UBE2E2: variants seen among roughly 807,000 people sequenced by gnomAD.
UBE2E2 encodes the protein ubiquitin conjugating enzyme E2 E2.
In UBE2E2, 6 loss-of-function variants were observed where a neutral mutation model predicts 24.7. The observed-to-expected ratio is 0.24, with a 90% CI of 0.13 to 0.48. The LOEUF is 0.48. Ranked by LOEUF, UBE2E2 falls within the 20% of genes least tolerant of loss-of-function variation. UBE2E2 has a pLI of 0.99. For synonymous variants in UBE2E2, 104 were observed against 83.6 expected, an observed-to-expected ratio of 1.24 and a Z score of -1.33; for missense variants, 169 against 245.0, an observed-to-expected ratio of 0.69 and a Z score of 2.07.
At chr3:23,367,983 CTG>C (rs1575589635) in intron 3 of UBE2E2, among the ~76,000 whole-genome samples, 1 of 152,096 alleles carries the variant, frequency 6.6e-6, no homozygotes, top group Non-Finnish European at 1.5e-5. Context: ...AGCAGAGGAA[CTG>C]TGGTTTTCCG....
At chr3:23,236,362 C>T (rs1425349822) in intron 3 of UBE2E2, among the ~76,000 whole-genome samples, 3 of 152,064 alleles carry the variant, frequency 2.0e-5, no homozygotes, top group Non-Finnish European at 2.9e-5. Context: ...ACCTACTCAA[C>T]CAGACTCCAT....
chr3:23,507,415 A>G (rs975250211), intron 4 of UBE2E2, among the ~76,000 whole-genome samples: 2 of 152,162 alleles, frequency 1.3e-5, no homozygotes, highest in Non-Finnish European at 2.9e-5. Flanking sequence ...AACTTTGTCT[A>G]TTTTGATGTC....
intron 3 of UBE2E2, among the ~76,000 whole-genome samples, chr3:23,461,893 A>G (rs1326917831): frequency 1.3e-5 from 2 of 152,146 alleles, no homozygotes; most frequent in African/African-American, 2.4e-5. Flanking sequence ...TAATATGACT[A>G]TATGATGTGA....
At position 23,473,351 on chromosome 3, in the gene UBE2E2, G is replaced by A. The variant is rs565596746; in HGVS notation, c.228-26257G>A. Among the ~76,000 whole-genome samples the A allele has an allele frequency of 5.3e-5, 8 of 152,120 alleles. No individual in the cohort carries two copies. The South Asian group carries it at 1.7e-3, about 32-fold the overall frequency. On this transcript the variant is annotated intron_variant, in intron 3 of 5. Transcript: ENST00000396703. ...AAAATCAGTTTACATGGTCTTTACT[G>A]ATTATCCCCAGGGGTCAAAAAAAGC...
chr3:23,532,355 T>G (rs571344873), intron 4 of UBE2E2, among the ~76,000 whole-genome samples, 199 bp from the exon 5 acceptor site: 1 of 152,198 alleles, frequency 6.6e-6, no homozygotes, highest in Non-Finnish European at 1.5e-5. Flanking sequence ...TATTTCTCTG[T>G]GCCCAAAATG....
intron 3 of UBE2E2, among the ~76,000 whole-genome samples, chr3:23,335,697 G>A (rs2125305257): frequency 6.6e-6 from 1 of 152,116 alleles, no homozygotes. Flanking sequence ...ACCTCACCTG[G>A]CTAATTTTAA....
At chr3:23,454,262 GTTTA>G (rs1343151304) in intron 3 of UBE2E2, among the ~76,000 whole-genome samples, 1 of 152,060 alleles carries the variant, frequency 6.6e-6, no homozygotes, top group Non-Finnish European at 1.5e-5. Context: ...TATACCATGT[GTTTA>G]TTAGTTATTA....
intron 4 of UBE2E2, among the ~76,000 whole-genome samples, chr3:23,510,827 C>T (rs970425767): frequency 1.3e-5 from 2 of 152,156 alleles, no homozygotes; most frequent in African/African-American, 2.4e-5. Flanking sequence ...TGAGCCCCTA[C>T]TACTTTCCAG....
In UBE2E2 at chr3:23,442,775, A is replaced by G. The variant is rs573818969; in HGVS notation, c.228-56833A>G. Reference sequence around the variant, plus strand: ...CTACCAGTTTGCCTTCCAGAGATGCATAGATAAGGGGGCGTGGTTACTGAT... The same window carrying G: ...CTACCAGTTTGCCTTCCAGAGATGCGTAGATAAGGGGGCGTGGTTACTGAT... On this transcript the variant is annotated intron_variant, in intron 3 of 5. Transcript: ENST00000396703. Among the ~76,000 whole-genome samples, 14 of 152,306 alleles carry G rather than the reference A, an allele frequency of 9.2e-5. No individual in the cohort carries two copies. In the South Asian group the frequency reaches 2.5e-3, roughly 27 times the overall value.
chr3:23,273,310 TG>T (rs890473208), intron 3 of UBE2E2, among the ~76,000 whole-genome samples: 1 of 151,884 alleles, frequency 6.6e-6, no homozygotes, highest in African/African-American at 2.4e-5. Flanking sequence ...GAGGCCGAGG[TG>T]GGCGGATCAC....
intron 3 of UBE2E2, among the ~76,000 whole-genome samples, chr3:23,319,266 C>T (rs1694676610): frequency 6.6e-6 from 1 of 152,130 alleles, no homozygotes; most frequent in Non-Finnish European, 1.5e-5. Flanking sequence ...ATTCATTACT[C>T]TCTTGCTGAT....
intron 3 of UBE2E2, among the ~76,000 whole-genome samples, chr3:23,409,927 CTT>C (rs1486563684): frequency 1.3e-5 from 2 of 152,280 alleles, no homozygotes; most frequent in African/African-American, 4.8e-5. Flanking sequence ...ATACTGTCAT[CTT>C]TTCTCTTATA....
At chr3:23,272,715 G>A (rs1267250566) in intron 3 of UBE2E2, among the ~76,000 whole-genome samples, 1 of 152,152 alleles carries the variant, frequency 6.6e-6, no homozygotes, top group Non-Finnish European at 1.5e-5. Flanking sequence ...ATTGGCTCAT[G>A]CAATTATGGA....
At chr3:23,292,111 G>A (rs576405061) in intron 3 of UBE2E2, among the ~76,000 whole-genome samples, 2 of 151,900 alleles carry the variant, frequency 1.3e-5, no homozygotes, top group Non-Finnish European at 2.9e-5. Context: ...GCTCACCTTG[G>A]CCTCCCAAAG....
At chr3:23,403,654 C>G (rs895070315) in intron 3 of UBE2E2, among the ~76,000 whole-genome samples, 1 of 152,088 alleles carries the variant, frequency 6.6e-6, no homozygotes, top group Non-Finnish European at 1.5e-5. Flanking sequence ...AACCCGGTCT[C>G]TATTTTCAAA....
intron 3 of UBE2E2, among the ~76,000 whole-genome samples, chr3:23,375,348 G>A (rs1251301222): frequency 6.6e-6 from 1 of 152,144 alleles, no homozygotes; most frequent in African/African-American, 2.4e-5. Context: ...AACTTACTAT[G>A]AGAATGCTAC....
rs1390149541 is a variant in UBE2E2 at position 23,458,429 on chromosome 3, T to TGGTGGTGGTGGTGGTGGTG, written c.228-41178_228-41177insGTGGTGGTGGTGGTGGTGG. ...TGGTGGTGGTGGTGGTGGTGGTGGTTGTTGTTGTTTGAGACGGAGTCTCTA... is the reference window on the plus strand; with the variant it reads ...TGGTGGTGGTGGTGGTGGTGGTGGTTGGTGGTGGTGGTGGTGGTGGTTGTTGTTTGAGACGGAGTCTCTA... On this transcript the variant is annotated intron_variant, in intron 3 of 5. Transcript: ENST00000396703. Among the ~76,000 whole-genome samples, 401 of 73,096 alleles carry TGGTGGTGGTGGTGGTGGTG rather than the reference T, an allele frequency of 5.5e-3. 4 individuals are homozygous for TGGTGGTGGTGGTGGTGGTG. The highest frequency in any genetic ancestry group is 0.028 in the African/African-American group (371 of 13,406). The allele number at this position is 73,096 out of a possible 152,430, so 48.0% of individuals were successfully genotyped here.
At chr3:23,552,025 C>T (rs1279356277) in intron 5 of UBE2E2, among the ~76,000 whole-genome samples, 1 of 152,162 alleles carries the variant, frequency 6.6e-6, no homozygotes, top group African/African-American at 2.4e-5. Context: ...ATCCAGAAGG[C>T]AGCCATCTAT....
At chr3:23,464,797 T>C (rs1191381679) in intron 3 of UBE2E2, among the ~76,000 whole-genome samples, 1 of 152,222 alleles carries the variant, frequency 6.6e-6, no homozygotes, top group East Asian at 1.9e-4. Context: ...CTTGTACTGC[T>C]TACTTCTTAG....
Sources: gnomAD v4.1 joint callset for allele counts (sites outside exome capture counted in the v4.1 genomes callset) on GRCh38, gnomAD v4.1.1 for gene constraint, MANE v1.5 for transcripts, NCBI Gene and HGNC (gene_info 2026-07-23, HGNC 2026-07-21) for gene names.